The following VPS45 variants were observed in gnomAD, a reference collection of about 807,000 sequenced individuals.
VPS45 encodes the protein vacuolar protein sorting-associated protein 45.
VPS45 carries 35 observed loss-of-function variants against 75.9 expected under a neutral mutation model. The ratio of observed to expected loss-of-function variants is 0.46; its 90% confidence interval spans 0.35 to 0.61. The LOEUF (loss-of-function observed/expected upper bound fraction) is 0.61. VPS45 is among the 20% of genes least tolerant of loss of function. The pLI, the probability that VPS45 is intolerant of heterozygous loss-of-function variation, is 0.00. For synonymous variants in VPS45, 220 were observed against 238.2 expected, an observed-to-expected ratio of 0.92 and a Z score of 0.70; for missense variants, 559 against 685.9, an observed-to-expected ratio of 0.81 and a Z score of 2.07.
At chr1:150,079,917 A>T (rs1009195049) in intron 7 of VPS45, among the ~76,000 whole-genome samples, 3 of 152,178 alleles carry the variant, frequency 2.0e-5, no homozygotes, top group Non-Finnish European at 4.4e-5. Context: ...ATTGCCTATT[A>T]TTCTGTCTCC....
At chr1:150,074,924 C>A (rs1162466999) in intron 3 of VPS45, among the ~76,000 whole-genome samples, 1 of 143,154 alleles carries the variant, frequency 7.0e-6, no homozygotes, top group African/African-American at 2.6e-5. Flanking sequence ...ATTATTACAT[C>A]TAGATTAAAA....
chr1:150,132,568 A>G (rs1163852721), intron 14 of VPS45, among the ~76,000 whole-genome samples: 5 of 152,214 alleles, frequency 3.3e-5, no homozygotes, highest in Admixed American at 3.3e-4. Context: ...TACCTTCCCC[A>G]AATAAATGAT....
In VPS45 at chr1:150,090,444, G is replaced by A. The variant is rs76191391; in HGVS notation, c.1105-1493G>A. Among the ~76,000 whole-genome samples the A allele has an allele frequency of 7.2e-3, 1,101 of 151,886 alleles. 19 individuals are homozygous for A. Among genetic ancestry groups the A allele is most frequent in the African/African-American group, 0.026 (1,062 of 41,370 alleles). Reference sequence around the variant, plus strand: ...GTTATAACACCACATATTTGTTCCTGAAAAACCTCATATTCTATAAAAACA... The same window carrying A: ...GTTATAACACCACATATTTGTTCCTAAAAAACCTCATATTCTATAAAAACA... On this transcript the variant is annotated intron_variant, in intron 10 of 14. Transcript: ENST00000644510.
intron 12 of VPS45, 135 bp from the exon 13 acceptor site, chr1:150,093,392 A>G: frequency 1.0e-6 from 1 of 1,002,996 alleles, no homozygotes; most frequent in East Asian, 2.6e-5. Context: ...AATAATTTTT[A>G]AATTTCCCAC....
chr1:150,078,053 T>A (rs908518289), intron 7 of VPS45, among the ~76,000 whole-genome samples: 5 of 152,194 alleles, frequency 3.3e-5, no homozygotes, highest in African/African-American at 1.2e-4. Context: ...TCCCTGTGTT[T>A]CCTTCTGTCT....
chr1:150,121,675 A>G (rs1400609924), intron 14 of VPS45, among the ~76,000 whole-genome samples: 1 of 152,222 alleles, frequency 6.6e-6, no homozygotes, highest in Non-Finnish European at 1.5e-5. Flanking sequence ...ATCAACGTCT[A>G]TCTAGAACAG....
intron 10 of VPS45, among the ~76,000 whole-genome samples, chr1:150,087,793 T>C (rs1656092629): frequency 6.6e-6 from 1 of 152,080 alleles, no homozygotes; most frequent in African/African-American, 2.4e-5. Flanking sequence ...ATGAGTTGGG[T>C]CCTAAGGGCT....
chr1:150,122,849 A>C (rs1431644600), intron 14 of VPS45, among the ~76,000 whole-genome samples: 1 of 151,978 alleles, frequency 6.6e-6, no homozygotes, highest in Non-Finnish European at 1.5e-5. Context: ...AAATACAAAA[A>C]TTAGCCAGGC....
intron 13 of VPS45, among the ~76,000 whole-genome samples, chr1:150,094,759 G>A (rs1656527606): frequency 6.6e-6 from 1 of 152,140 alleles, no homozygotes; most frequent in South Asian, 2.1e-4. Context: ...TTGCATTAAT[G>A]TGATAAATAA....
chr1:150,132,295 G>T (rs1658877168), intron 14 of VPS45, among the ~76,000 whole-genome samples: 1 of 152,150 alleles, frequency 6.6e-6, no homozygotes, highest in African/African-American at 2.4e-5. Context: ...TTCAGGACTT[G>T]TGTAAAACTA....
At chr1:150,118,642 G>A (rs1324401379) in intron 14 of VPS45, among the ~76,000 whole-genome samples, 1 of 152,180 alleles carries the variant, frequency 6.6e-6, no homozygotes, top group Non-Finnish European at 1.5e-5. Flanking sequence ...TGGACCTCAA[G>A]TGATCCACCT....
chr1:150,077,360 G>A (rs782101558), intron 6 of VPS45, 129 bp downstream of exon 6: 2 of 1,183,114 alleles, frequency 1.7e-6, no homozygotes, highest in Admixed American at 2.4e-5. Flanking sequence ...CGCGAAAAGA[G>A]GTAGGTATAT....
At chr1:150,141,521 A>G (rs1553815271) in intron 14 of VPS45, among the ~76,000 whole-genome samples, 1 of 152,218 alleles carries the variant, frequency 6.6e-6, no homozygotes, top group Non-Finnish European at 1.5e-5. Context: ...CTAGTCCCTT[A>G]CCAGTGATGT....
chr1:150,095,534 A>G (rs1370866955), intron 13 of VPS45, among the ~76,000 whole-genome samples: 3 of 151,992 alleles, frequency 2.0e-5, no homozygotes, highest in African/African-American at 7.3e-5. Flanking sequence ...GAATCGCTTG[A>G]ACCTGGGAGG....
intron 13 of VPS45, among the ~76,000 whole-genome samples, chr1:150,101,231 GC>G (rs1464909305): frequency 2.1e-5 from 3 of 144,106 alleles, no homozygotes; most frequent in African/African-American, 7.8e-5. Flanking sequence ...TTGTGCCATT[GC>G]ACACCAGCCT....
intron 1 of VPS45, 136 bp from the exon 2 acceptor site, chr1:150,068,494 A>T: frequency 4.1e-6 from 3 of 732,180 alleles, no homozygotes; most frequent in African/African-American, 1.8e-5. Context: ...ACCTGTTTGG[A>T]TGTTCAGTAA....
intron 14 of VPS45, among the ~76,000 whole-genome samples, chr1:150,115,662 T>C (rs1269338629): frequency 1.3e-5 from 2 of 152,344 alleles, no homozygotes; most frequent in East Asian, 3.9e-4. Context: ...TTTTGCTAGG[T>C]ACCCCAAGAG....
chr1:150,095,347 C>T (rs1389254521), intron 13 of VPS45, among the ~76,000 whole-genome samples: 1 of 152,182 alleles, frequency 6.6e-6, no homozygotes, highest in Admixed American at 6.5e-5. Context: ...GACACGGTGG[C>T]TCACGCCTGT....
intron 7 of VPS45, among the ~76,000 whole-genome samples, 183 bp downstream of exon 7, chr1:150,077,962 T>C (rs1255068290): frequency 1.3e-5 from 2 of 152,200 alleles, no homozygotes; most frequent in Admixed American, 6.5e-5. Context: ...ATCATAACTC[T>C]TCTGCTTCAT....
Sources: allele counts gnomAD v4.1 joint callset (sites outside exome capture counted in the v4.1 genomes callset), GRCh38; gene constraint gnomAD v4.1.1; transcripts MANE v1.5; gene names NCBI Gene and HGNC (gene_info 2026-07-23, HGNC 2026-07-21).